CHKA: variants seen among roughly 807,000 people sequenced by gnomAD.
CHKA encodes CHETK-alpha.
A neutral mutation model predicts 60.1 loss-of-function variants in CHKA; 34 were observed. The observed-to-expected ratio is 0.57, with a 90% CI of 0.43 to 0.75. The LOEUF is 0.75. Among genes scored for constraint, CHKA ranks in the 30% least tolerant of loss-of-function variants. The pLI is 0.00. For synonymous variants in CHKA, 217 were observed against 223.1 expected (o/e 0.97, Z 0.24); for missense variants, 563 against 561.3 (o/e 1.00, Z -0.03).
chr11:68,115,708 T>C (rs1203099330), intron 1 of CHKA, among the ~76,000 whole-genome samples: 1 of 151,896 alleles, frequency 6.6e-6, no homozygotes, highest in Non-Finnish European at 1.5e-5. Flanking sequence ...CTCTAAAAAA[T>C]ATAGTGTATT....
Position 68,053,878 on chromosome 11 carries a change from G to T in CHKA, c.*110C>A. ...ATCATACACATGTGTTCAGTAGTGA[G>T]CCACCCAAAGCCTCCTGCCACAGGA... On this transcript the variant is annotated 3_prime_UTR_variant, in exon 12 of 12. Coordinates refer to ENST00000265689, the MANE Select transcript of CHKA (RefSeq NM_001277.3). 1 of 806,314 alleles carries T rather than the reference G, an allele frequency of 1.2e-6. No homozygotes were observed. The highest frequency in any genetic ancestry group is 2.1e-6 in the Non-Finnish European group (1 of 477,578). The allele number at this position is 806,314 out of a possible 1,614,324, so 49.9% of individuals were successfully genotyped here. A position where few individuals can be genotyped will look rare whatever the true frequency, so the allele number is the denominator to read the frequency against.
At chr11:68,056,925 A>C (rs2134484660) in intron 11 of CHKA, among the ~76,000 whole-genome samples, 1 of 152,210 alleles carries the variant, frequency 6.6e-6, no homozygotes, top group East Asian at 1.9e-4. Context: ...ATTGAACCCG[A>C]GGGGAACGTG....
chr11:68,060,970 C>A (rs1241647183), intron 11 of CHKA, among the ~76,000 whole-genome samples: 1 of 152,132 alleles, frequency 6.6e-6, no homozygotes, highest in Non-Finnish European at 1.5e-5. Context: ...GAAGGCAGCT[C>A]ACCAGACTGT....
chr11:68,070,911 G>C (rs1399941001), intron 4 of CHKA, 54 bp from the exon 5 acceptor site: 12 of 1,551,630 alleles, frequency 7.7e-6, no homozygotes, highest in Non-Finnish European at 1.1e-5. Flanking sequence ...ACTAAAAAGA[G>C]TGAGATCACA....
At position 68,062,339 on chromosome 11, in the gene CHKA, C is replaced by T. The variant is rs542622426; in HGVS notation, c.1233-305G>A. The stretch of plus-strand genomic sequence containing the variant: ...TTCACAAGGTGAATATATTCACATT[C>T]ACAGGGTGCAGGTGAAGGCCTGGGT... On this transcript the variant is annotated intron_variant, in intron 10 of 11. Transcript: ENST00000265689. Among the ~76,000 whole-genome samples, 431 of 152,330 alleles carry T rather than the reference C, an allele frequency of 2.8e-3. 1 individual carries two copies. The highest frequency in any genetic ancestry group is 0.01 in the African/African-American group (416 of 41,578).
At chr11:68,070,682 C>G (rs1226403439) in intron 5 of CHKA, 42 bp downstream of exon 5, 3 of 1,588,570 alleles carry the variant, frequency 1.9e-6, no homozygotes, top group Middle Eastern at 3.4e-4. Flanking sequence ...TGGGAGCCAC[C>G]ACTGTAAAAC....
intron 9 of CHKA, among the ~76,000 whole-genome samples, chr11:68,065,124 C>T (rs1232705977): frequency 6.6e-6 from 1 of 152,152 alleles, no homozygotes; most frequent in African/African-American, 2.4e-5. Context: ...CACTACTAAA[C>T]CCTGGTGCCC....
Position 68,120,837 on chromosome 11 carries a change from C to G in CHKA, c.341G>C (p.Ser114Thr), listed in dbSNP as rs549563780. The change falls in exon 1 of 12, where the codon AGT (serine) becomes ACT (threonine). Residue 114 changes from serine (S) to threonine (T), a missense_variant. Transcript: ENST00000265689. The stretch of plus-strand genomic sequence containing the variant: ...ACCCGGCGCCACCGACCTGATGACA[C>G]TGATGTGGAACTCGTCCTCGCGGAG... ...RGLREDEFHI[S>T]VIRGGLSNML... The G allele has an allele frequency of 3.8e-6, 5 of 1,313,448 alleles. No individual in the cohort carries two copies. The African/African-American group carries it at 7.8e-5, about 20-fold the overall frequency. The allele number at this position is 1,313,448 out of a possible 1,614,324, so 81.4% of individuals were successfully genotyped here. A position where few individuals can be genotyped will look rare whatever the true frequency, so the allele number is the denominator to read the frequency against.
chr11:68,114,641 G>A (rs1274079839), intron 1 of CHKA, among the ~76,000 whole-genome samples: 1 of 151,258 alleles, frequency 6.6e-6, no homozygotes, highest in Non-Finnish European at 1.5e-5. Context: ...AGGTTGCAGT[G>A]AGCCAAGATC....
At chr11:68,108,016 A>T (rs1236936412) in intron 1 of CHKA, among the ~76,000 whole-genome samples, 1 of 152,216 alleles carries the variant, frequency 6.6e-6, no homozygotes, top group African/African-American at 2.4e-5. Context: ...TGCCACTGAC[A>T]GAGAATGGAG....
At chr11:68,062,842 G>GCC (rs1351500937) in intron 10 of CHKA, among the ~76,000 whole-genome samples, 23 of 152,142 alleles carry the variant, frequency 1.5e-4, no homozygotes, top group African/African-American at 5.3e-4. Flanking sequence ...CCAGCAGGTA[G>GCC]GCAGGTGTGA....
At chr11:68,068,195 C>G (rs758381355) in intron 7 of CHKA, among the ~76,000 whole-genome samples, 2 of 151,992 alleles carry the variant, frequency 1.3e-5, no homozygotes, top group African/African-American at 4.8e-5. Context: ...ACACGTGTTG[C>G]GATAAGCAAC....
chr11:68,093,447 T>C (rs1177286294), intron 2 of CHKA, among the ~76,000 whole-genome samples: 2 of 152,212 alleles, frequency 1.3e-5, no homozygotes, highest in Admixed American at 6.5e-5. Flanking sequence ...TCCCCCCAAA[T>C]TGGAATTATA....
chr11:68,070,576 T>G, intron 5 of CHKA, 148 bp downstream of exon 5: 1 of 844,482 alleles, frequency 1.2e-6, no homozygotes, highest in Non-Finnish European at 1.8e-6. Flanking sequence ...AAAGACTTAC[T>G]TATGAGACAA....
At chr11:68,100,198 C>T (rs1395089912) in intron 1 of CHKA, among the ~76,000 whole-genome samples, 1 of 152,184 alleles carries the variant, frequency 6.6e-6, no homozygotes, top group Non-Finnish European at 1.5e-5. Context: ...AAAATATCCT[C>T]CCAAGTAAAA....
In CHKA at chr11:68,120,966, T is replaced by TGGGGCAGCGGCA; in HGVS notation, c.200_211dup (p.Leu67_Pro70dup). 2 of 1,128,848 alleles carry TGGGGCAGCGGCA rather than the reference T, an allele frequency of 1.8e-6. No homozygotes were observed. The highest frequency in any genetic ancestry group is 2.2e-6 in the Non-Finnish European group (2 of 918,862). 69.9% of individuals were successfully genotyped at this position (1,128,848 alleles called of 1,614,324 possible). On this transcript the variant is annotated inframe_insertion, in exon 1 of 12. Coordinates refer to ENST00000265689, the MANE Select transcript of CHKA (RefSeq NM_001277.3). ...TGCGGGCGGCTGCGGCGGCGGGGGC[T>TGGGGCAGCGGCA]GGGGCAGCGGCAGCGGCAGCGGCAG...
rs1055616380 is a variant in CHKA at position 68,070,115 on chromosome 11, C to T, written c.869+74G>A. 7 of 1,082,280 alleles carry T rather than the reference C, an allele frequency of 6.5e-6. No homozygotes were observed. In the African/African-American group the frequency reaches 7.8e-5, roughly 12 times the overall value. 67.0% of individuals were successfully genotyped at this position (1,082,280 alleles called of 1,614,324 possible). On this transcript the variant is annotated intron_variant, in intron 6 of 11. Coordinates refer to ENST00000265689, the MANE Select transcript of CHKA (RefSeq NM_001277.3). ...TGTAAAATGCCAGACATAAGGCAAG[C>T]TCAATCAATGTTTACTGACAACAGT...
At chr11:68,107,000 T>C (rs551721153) in intron 1 of CHKA, among the ~76,000 whole-genome samples, 16 of 152,134 alleles carry the variant, frequency 1.1e-4, no homozygotes, top group Non-Finnish European at 2.1e-4. Flanking sequence ...ATACCTGTAA[T>C]CCCAGCACTT....
At chr11:68,094,347 T>C (rs1857436302) in intron 2 of CHKA, among the ~76,000 whole-genome samples, 1 of 151,982 alleles carries the variant, frequency 6.6e-6, no homozygotes, top group African/African-American at 2.4e-5. Context: ...TTTGAGACCA[T>C]CCTGGGAAAC....
Sources: allele counts gnomAD v4.1 joint callset (sites outside exome capture counted in the v4.1 genomes callset), GRCh38; gene constraint gnomAD v4.1.1; transcripts MANE v1.5; gene names NCBI Gene and HGNC (gene_info 2026-07-23, HGNC 2026-07-21).